Variants in RAB28 observed in about 807,000 individuals in gnomAD.
RAB28 encodes RAB28, member RAS oncogene family.
Under a neutral mutation model 31.7 loss-of-function variants are expected in RAB28, and 24 were observed. That is an observed-to-expected ratio of 0.76 (90% CI 0.55 to 1.06). RAB28 has a LOEUF of 1.06. Among genes scored for constraint, RAB28 ranks in the 50% least tolerant of loss-of-function variants. The pLI is 0.00. For synonymous variants in RAB28, 100 were observed against 90.4 expected, an observed-to-expected ratio of 1.11 and a Z score of -0.60; for missense variants, 254 against 258.5, an observed-to-expected ratio of 0.98 and a Z score of 0.12.
At chr4:13,426,370 T>G (rs1414535126) in intron 4 of RAB28, among the ~76,000 whole-genome samples, 1 of 152,058 alleles carries the variant, frequency 6.6e-6, no homozygotes, top group Non-Finnish European at 1.5e-5. Context: ...GAGGAGACCA[T>G]GAAGGGACAA....
At chr4:13,396,153 T>C (rs1397022729) in intron 4 of RAB28, among the ~76,000 whole-genome samples, 1 of 151,958 alleles carries the variant, frequency 6.6e-6, no homozygotes, top group Non-Finnish European at 1.5e-5. Context: ...TAGTAAAAAA[T>C]GTCACTGTCT....
intron 4 of RAB28, among the ~76,000 whole-genome samples, chr4:13,410,750 A>C (rs1009266212): frequency 3.9e-5 from 6 of 152,180 alleles, no homozygotes; most frequent in African/African-American, 1.4e-4. Flanking sequence ...AAAATAAGGC[A>C]AGAACAGGCT....
At chr4:13,415,402 G>A (rs1481441147) in intron 4 of RAB28, among the ~76,000 whole-genome samples, 1 of 152,160 alleles carries the variant, frequency 6.6e-6, no homozygotes, top group Non-Finnish European at 1.5e-5. Context: ...TGTGGAGGGA[G>A]AGGCGCAGGC....
intron 4 of RAB28, among the ~76,000 whole-genome samples, chr4:13,459,118 G>A (rs974249226): frequency 6.6e-6 from 1 of 152,096 alleles, no homozygotes; most frequent in South Asian, 2.1e-4. Context: ...TCCTGCCCTC[G>A]AACATGAAAC....
intron 5 of RAB28, among the ~76,000 whole-genome samples, chr4:13,377,758 T>C (rs1728976838): frequency 1.3e-5 from 2 of 152,100 alleles, no homozygotes; most frequent in African/African-American, 4.8e-5. Context: ...TAATGTAAAA[T>C]ATTATGGAGG....
intron 6 of RAB28, among the ~76,000 whole-genome samples, chr4:13,372,402 A>G (rs1371565386): frequency 6.6e-6 from 1 of 152,096 alleles, no homozygotes; most frequent in Non-Finnish European, 1.5e-5. Flanking sequence ...GTAACAAAAC[A>G]TTGGGCAAGT....
intron 4 of RAB28, among the ~76,000 whole-genome samples, chr4:13,457,259 C>T (rs764203718): frequency 6.6e-6 from 1 of 152,016 alleles, no homozygotes; most frequent in Non-Finnish European, 1.5e-5. Flanking sequence ...AATTGTATTG[C>T]CTTTTAATAT....
At chr4:13,438,505 T>C (rs1265937823) in intron 4 of RAB28, among the ~76,000 whole-genome samples, 3 of 152,174 alleles carry the variant, frequency 2.0e-5, no homozygotes, top group African/African-American at 4.8e-5. Context: ...TGAAAACTTC[T>C]TATAAATAGA....
rs148825476 is a variant in RAB28 at position 13,427,273 on chromosome 4, C to T, written c.391+33426G>A. ...GGGCCTTCTTAAAATACTACTGCTT[C>T]CAGCTTTGACACAATAACTAGGACA... On this transcript the variant is annotated intron_variant, in intron 4 of 6. Transcript: ENST00000330852. Among the ~76,000 whole-genome samples the T allele has an allele frequency of 9.2e-5, 14 of 152,312 alleles. No homozygotes were observed. The East Asian group carries it at 2.7e-3, about 29-fold the overall frequency.
intron 6 of RAB28, chr4:13,372,003 C>T: frequency 2.5e-6 from 2 of 803,004 alleles, no homozygotes; most frequent in Non-Finnish European, 4.1e-6. Context: ...TGGGTTGGGG[C>T]ACAAGGTGTA....
At chr4:13,369,571 T>A (rs1354506505) in intron 6 of RAB28, among the ~76,000 whole-genome samples, 2 of 152,134 alleles carry the variant, frequency 1.3e-5, no homozygotes, top group Non-Finnish European at 1.5e-5. Flanking sequence ...AAGGAATGAA[T>A]AATGAAATAA....
At chr4:13,388,570 C>G (rs1226074436) in intron 4 of RAB28, among the ~76,000 whole-genome samples, 2 of 151,948 alleles carry the variant, frequency 1.3e-5, no homozygotes, top group African/African-American at 2.4e-5. Context: ...ATAATCAACA[C>G]AGTGAAGACA....
chr4:13,438,073 C>T (rs1714220908), intron 4 of RAB28, among the ~76,000 whole-genome samples: 1 of 151,940 alleles, frequency 6.6e-6, no homozygotes, highest in Admixed American at 6.6e-5. Context: ...AGGCCATTAC[C>T]CTAAGTCAAA....
chr4:13,475,312 A>G (rs1248375017), intron 2 of RAB28, among the ~76,000 whole-genome samples: 1 of 151,606 alleles, frequency 6.6e-6, no homozygotes, highest in Non-Finnish European at 1.5e-5. Flanking sequence ...TTTTTAGTTG[A>G]ACATTTTAAA....
intron 2 of RAB28, among the ~76,000 whole-genome samples, chr4:13,476,260 T>TA (rs1716355565): frequency 6.6e-6 from 1 of 151,556 alleles, no homozygotes; most frequent in African/African-American, 2.4e-5. Flanking sequence ...ATCAAGACCC[T>TA]AAATCATCTA....
chr4:13,438,249 G>A (rs955154603), intron 4 of RAB28, among the ~76,000 whole-genome samples: 7 of 152,090 alleles, frequency 4.6e-5, no homozygotes, highest in African/African-American at 1.7e-4. Flanking sequence ...ATTGTTTAAG[G>A]TTATAGTTAT....
At chr4:13,397,315 G>GA (rs1479245568) in intron 4 of RAB28, among the ~76,000 whole-genome samples, 2 of 152,034 alleles carry the variant, frequency 1.3e-5, no homozygotes, top group Non-Finnish European at 1.5e-5. Flanking sequence ...AGAAAAGCAA[G>GA]AAAAAGATCA....
At chr4:13,420,910 T>A (rs533783872) in intron 4 of RAB28, among the ~76,000 whole-genome samples, 6 of 152,258 alleles carry the variant, frequency 3.9e-5, no homozygotes, top group Middle Eastern at 3.4e-3. Flanking sequence ...GGCCGAGCAA[T>A]CAGGCAAGAG....
At chr4:13,425,902 CT>C (rs1310854173) in intron 4 of RAB28, among the ~76,000 whole-genome samples, 4 of 152,072 alleles carry the variant, frequency 2.6e-5, no homozygotes, top group Non-Finnish European at 4.4e-5. Flanking sequence ...TGTGATTGTC[CT>C]CATAGGATTA....
Sources: gnomAD v4.1 joint callset for allele counts (sites outside exome capture counted in the v4.1 genomes callset) on GRCh38, gnomAD v4.1.1 for gene constraint, MANE v1.5 for transcripts, NCBI Gene and HGNC (gene_info 2026-07-23, HGNC 2026-07-21) for gene names.